The following RICTOR variants were observed in gnomAD, a reference collection of about 807,000 sequenced individuals.
RICTOR encodes the protein rapamycin-insensitive companion of mTOR.
In RICTOR, 49 loss-of-function variants were observed where a neutral mutation model predicts 214.9. The observed-to-expected ratio is 0.23, with a 90% CI of 0.18 to 0.29. RICTOR has a LOEUF of 0.29. RICTOR is among the 10% of genes least tolerant of loss of function. The pLI, the probability that RICTOR is intolerant of heterozygous loss-of-function variation, is 1.00. For missense variants in RICTOR, 1,625 were observed against 2,047.0 expected (o/e 0.79, Z 3.98); for synonymous variants, 717 against 711.3 (o/e 1.01, Z -0.13).
chr5:39,011,084 C>T (rs542506848), intron 3 of RICTOR, among the ~76,000 whole-genome samples: 1 of 152,270 alleles, frequency 6.6e-6, no homozygotes, highest in South Asian at 2.1e-4. Context: ...ATCACAGGCC[C>T]AGAGGCCTAG....
intron 2 of RICTOR, among the ~76,000 whole-genome samples, chr5:39,039,058 T>C (rs1386684087): frequency 6.6e-6 from 1 of 152,168 alleles, no homozygotes. Flanking sequence ...GCTACCTGAC[T>C]GCAAACTATA....
At chr5:39,001,926 A>G (rs1753656533) in intron 5 of RICTOR, among the ~76,000 whole-genome samples, 1 of 152,130 alleles carries the variant, frequency 6.6e-6, no homozygotes, top group Non-Finnish European at 1.5e-5. Context: ...ATCATTTAGC[A>G]AACTATTTAG....
intron 2 of RICTOR, among the ~76,000 whole-genome samples, chr5:39,029,738 G>A (rs1437049201): frequency 2.0e-5 from 3 of 152,128 alleles, no homozygotes; most frequent in East Asian, 1.9e-4. Context: ...TTTTCTCTAC[G>A]TAAAGTGGAA....
intron 6 of RICTOR, 77 bp from the exon 7 acceptor site, chr5:38,991,152 G>T (rs1483959099): frequency 1.2e-6 from 1 of 828,726 alleles, no homozygotes; most frequent in Non-Finnish European, 1.8e-6. Context: ...GACTGAAGTA[G>T]TTAATAACAG....
chr5:39,039,705 C>T (rs1757022380), intron 2 of RICTOR, among the ~76,000 whole-genome samples: 1 of 152,154 alleles, frequency 6.6e-6, no homozygotes, highest in South Asian at 2.1e-4. Context: ...AGCCAAAAAA[C>T]ACATGAAAAA....
At position 38,955,680 on chromosome 5, in the gene RICTOR, A is replaced by G. The variant is rs1370897113; in HGVS notation, c.2524T>C (p.Leu842=). The change falls in exon 26 of 38, where the codon TTG becomes CTG. Residue 842 remains leucine, a synonymous_variant. Transcript: ENST00000357387. Reference sequence around the variant, plus strand: ...GCTTCATTGAGTTGTTCCTCAATCAAGTCAACATATTTGGAGTTGTATTCC... The same window carrying G: ...GCTTCATTGAGTTGTTCCTCAATCAGGTCAACATATTTGGAGTTGTATTCC... ...HREYNSKYVD[L]IEEQLNEALT... 1 of 1,601,264 alleles carries G rather than the reference A, an allele frequency of 6.2e-7. No individual in the cohort carries two copies.
rs1241312373 is a variant in RICTOR, at chr5:38,942,766, T to C, written c.5052+67A>G. ...TCACCACACCCAGCTATAATCTGTA[T>C]TTTAATTCAATTCAAACACAGAATT... is the stretch of plus-strand genomic sequence containing the variant. On this transcript the variant is annotated intron_variant, in intron 37 of 37. Transcript: ENST00000357387. The C allele has an allele frequency of 6.8e-6, 9 of 1,325,908 alleles. No individual in the cohort carries two copies. In the Admixed American group the frequency reaches 1.4e-4, roughly 20 times the overall value. 82.1% of individuals were successfully genotyped at this position (1,325,908 alleles called of 1,614,324 possible).
At chr5:38,996,923 T>TA in intron 5 of RICTOR, 41 bp from the exon 6 acceptor site, 3 of 1,384,316 alleles carry the variant, frequency 2.2e-6, no homozygotes, top group Non-Finnish European at 3.1e-6. Flanking sequence ...TAAAATTCTA[T>TA]TAAACAACTT....
At chr5:39,065,048 T>A (rs773535855) in intron 2 of RICTOR, among the ~76,000 whole-genome samples, 26 of 152,152 alleles carry the variant, frequency 1.7e-4, no homozygotes, top group Non-Finnish European at 3.4e-4. Flanking sequence ...TCTCCTGGCT[T>A]ATGTATCAGG....
rs1247477615 is a variant in RICTOR at position 39,074,350 on chromosome 5, G to C, written c.28C>G (p.Leu10Val). 3.2e-6 allele frequency: 5 copies of C among 1,539,474 alleles called. No homozygotes were observed. The highest frequency in any genetic ancestry group is 1.2e-5 in the South Asian group (1 of 82,596). ...TTACCTCGTACTCGGAGGTTCTTCA[G>C]AGAGCGGCCGCGGCCGATCGCCGCC... Reference protein sequence around the residue: MAAIGRGRSLKNLRVRGRND... With the variant: MAAIGRGRSVKNLRVRGRND... The change falls in exon 1 of 38, where the codon CTG (leucine) becomes GTG (valine). Residue 10 changes from leucine (L) to valine (V), a missense_variant. This residue lies in a region of RICTOR where 71 missense variants were observed against 57.9 expected (regional missense o/e 1.23). Transcript: ENST00000357387.
At chr5:38,978,734 C>G (rs190521690) in intron 8 of RICTOR, 84 bp from the exon 9 acceptor site, 51 of 645,314 alleles carry the variant, frequency 7.9e-5, no homozygotes, top group Admixed American at 1.7e-4. Flanking sequence ...CATTCCATTT[C>G]TCTCTATCTT....
At chr5:39,010,765 G>A (rs958623495) in intron 3 of RICTOR, among the ~76,000 whole-genome samples, 3 of 152,190 alleles carry the variant, frequency 2.0e-5, no homozygotes, top group Non-Finnish European at 4.4e-5. Context: ...AGGGTATCTG[G>A]TGGAAAAAAT....
Position 39,074,323 on chromosome 5 carries a change from G to T in RICTOR, c.49+6C>A, listed in dbSNP as rs1163071213. The T allele has an allele frequency of 6.5e-7, 1 of 1,545,812 alleles. No individual in the cohort carries two copies. Among genetic ancestry groups the T allele is most frequent in the Non-Finnish European group, 8.7e-7 (1 of 1,145,246 alleles). ...CGGTGGGGAGTGAGGGTTGCAGCGG[G>T]CTTACCTCGTACTCGGAGGTTCTTC... On this transcript the variant is annotated splice_donor_region_variant and intron_variant, in intron 1 of 37. Coordinates refer to ENST00000357387, the MANE Select transcript of RICTOR (RefSeq NM_152756.5).
intron 3 of RICTOR, among the ~76,000 whole-genome samples, chr5:39,012,725 TA>T (rs1214135535): frequency 2.0e-5 from 3 of 152,200 alleles, no homozygotes; most frequent in African/African-American, 7.2e-5. Flanking sequence ...TAGAAATTGT[TA>T]AAGACTTTAC....
At chr5:39,038,219 C>T (rs1756880308) in intron 2 of RICTOR, among the ~76,000 whole-genome samples, 1 of 152,092 alleles carries the variant, frequency 6.6e-6, no homozygotes, top group Non-Finnish European at 1.5e-5. Flanking sequence ...AGACAAAAAC[C>T]ACATGATTAT....
At chr5:39,014,900 G>T (rs1204980552) in intron 3 of RICTOR, among the ~76,000 whole-genome samples, 1 of 152,050 alleles carries the variant, frequency 6.6e-6, no homozygotes, top group African/African-American at 2.4e-5. Context: ...AATCCTAACA[G>T]GCTTATACTT....
chr5:38,990,366 G>A (rs2548803), intron 7 of RICTOR, among the ~76,000 whole-genome samples: 144,819 of 151,618 alleles, frequency 0.96, 69,294 homozygotes, highest in East Asian at 0.99. Flanking sequence ...GACAGCATTA[G>A]GAGAAATACC....
chr5:38,982,088 T>TA (rs1286918853), intron 7 of RICTOR, 52 bp from the exon 8 acceptor site: 4 of 1,344,316 alleles, frequency 3.0e-6, no homozygotes, highest in Non-Finnish European at 4.2e-6. Context: ...TTAAAAGTAA[T>TA]AAAAAATCTA....
intron 25 of RICTOR, among the ~76,000 whole-genome samples, chr5:38,956,256 C>T (rs564913555): frequency 1.1e-3 from 166 of 151,980 alleles, no homozygotes; most frequent in Non-Finnish European, 1.1e-3. Context: ...ATCAAAATTC[C>T]TCCTCTTCAC....
Sources: gnomAD v4.1 joint callset for allele counts (sites outside exome capture counted in the v4.1 genomes callset) on GRCh38, gnomAD v4.1.1 for gene constraint, gnomAD v4.1.1 regional missense constraint, MANE v1.5 for transcripts, NCBI Gene and HGNC (gene_info 2026-07-23, HGNC 2026-07-21) for gene names.